GRIK2: variants seen among roughly 807,000 people sequenced by gnomAD.
GRIK2 encodes glutamate ionotropic receptor kainate type subunit 2.
Under a neutral mutation model 100.3 loss-of-function variants are expected in GRIK2, and 32 were observed. The observed-to-expected ratio is 0.32, with a 90% CI of 0.24 to 0.43. GRIK2 has a LOEUF of 0.43. Among genes scored for constraint, GRIK2 ranks in the 20% least tolerant of loss-of-function variants. GRIK2 has a pLI of 1.00. For missense variants in GRIK2, 843 were observed against 1,114.9 expected, an observed-to-expected ratio of 0.76 and a Z score of 3.47; for synonymous variants, 417 against 389.4, an observed-to-expected ratio of 1.07 and a Z score of -0.83.
intron 11 of GRIK2, among the ~76,000 whole-genome samples, chr6:101,864,138 C>T (rs1185889618): frequency 2.3e-5 from 3 of 129,892 alleles, no homozygotes; most frequent in Admixed American, 8.1e-5. Flanking sequence ...AGCGAGACTC[C>T]GTCTCAAAAA....
rs200731910 is a variant in GRIK2 at position 102,025,649 on chromosome 6, AATC to A, written c.2086-9687_2086-9685del. Among the ~76,000 whole-genome samples, 1,296 of 151,306 alleles carry A rather than the reference AATC, an allele frequency of 8.6e-3. 21 individuals carry two copies. Among genetic ancestry groups the A allele is most frequent in the African/African-American group, 0.03 (1,254 of 41,418 alleles). On this transcript the variant is annotated intron_variant, in intron 14 of 16. Transcript: ENST00000369134. ...TGTGCTGTAAATTAATGATTAATAT[AATC>A]ATCAACTACTTTATACATACTCATA...
chr6:102,050,741 A>AT (rs2114488797), intron 15 of GRIK2, among the ~76,000 whole-genome samples: 1 of 151,124 alleles, frequency 6.6e-6, no homozygotes, highest in South Asian at 2.1e-4. Context: ...ACACAGAGGA[A>AT]TGAAAAAGTA....
intron 2 of GRIK2, among the ~76,000 whole-genome samples, chr6:101,464,758 G>C (rs992136080): frequency 6.6e-6 from 1 of 151,436 alleles, no homozygotes; most frequent in Non-Finnish European, 1.5e-5. Flanking sequence ...CTGACCTCGT[G>C]ATCTGCCCGC....
rs151302416 is a variant in GRIK2 at position 101,453,565 on chromosome 6, A to T, written c.115+54173A>T. On this transcript the variant is annotated intron_variant, in intron 2 of 16. Transcript: ENST00000369134. ...AATGTGCTTGAACTGTCAGAAATAT[A>T]CTTTAAATTGATAGCGCTAACCTAG... Among the ~76,000 whole-genome samples the T allele has an allele frequency of 3.5e-3, 534 of 152,152 alleles. 1 individual carries two copies. Among genetic ancestry groups the T allele is most frequent in the Middle Eastern group, 0.014 (4 of 294 alleles).
chr6:101,635,927 G>A (rs1260779883), intron 4 of GRIK2, among the ~76,000 whole-genome samples: 2 of 152,168 alleles, frequency 1.3e-5, no homozygotes, highest in African/African-American at 4.8e-5. Context: ...TTCAACCATT[G>A]TGGAAGACAG....
chr6:101,802,801 T>C (rs892530336), intron 9 of GRIK2, among the ~76,000 whole-genome samples: 4 of 151,884 alleles, frequency 2.6e-5, no homozygotes, highest in South Asian at 2.1e-4. Flanking sequence ...ACTTTCCAAC[T>C]TGGAGCAGGC....
At chr6:101,829,736 C>G (rs1027195259) in intron 10 of GRIK2, among the ~76,000 whole-genome samples, 1 of 151,742 alleles carries the variant, frequency 6.6e-6, no homozygotes, top group Admixed American at 6.6e-5. Context: ...ACAACAACAA[C>G]AGCAACAACA....
intron 7 of GRIK2, among the ~76,000 whole-genome samples, chr6:101,765,041 G>A (rs1287088020): frequency 1.3e-5 from 2 of 152,002 alleles, no homozygotes; most frequent in Admixed American, 6.6e-5. Context: ...ACACTGTCTT[G>A]TTGTCTCTCA....
At chr6:101,801,336 GT>G (rs1459705255) in intron 8 of GRIK2, among the ~76,000 whole-genome samples, 4 of 151,910 alleles carry the variant, frequency 2.6e-5, no homozygotes, top group African/African-American at 4.8e-5. Flanking sequence ...GTGAACACAT[GT>G]TTAACTTTAG....
intron 7 of GRIK2, among the ~76,000 whole-genome samples, chr6:101,734,780 A>G (rs1775519990): frequency 6.6e-6 from 1 of 152,160 alleles, no homozygotes; most frequent in African/African-American, 2.4e-5. Context: ...AGGTAATCTG[A>G]TTACTATTAT....
chr6:101,853,906 C>T (rs964951597), intron 10 of GRIK2, among the ~76,000 whole-genome samples: 4 of 152,064 alleles, frequency 2.6e-5, no homozygotes, highest in South Asian at 2.1e-4. Context: ...AAAAGATTAA[C>T]GGTTGCCAGG....
intron 4 of GRIK2, among the ~76,000 whole-genome samples, chr6:101,660,050 A>T: frequency 6.6e-6 from 1 of 152,096 alleles, no homozygotes; most frequent in African/African-American, 2.4e-5. Flanking sequence ...CTCCTTGATA[A>T]TATCCTGAAG....
At chr6:101,840,613 G>T (rs1039202332) in intron 10 of GRIK2, among the ~76,000 whole-genome samples, 1 of 152,022 alleles carries the variant, frequency 6.6e-6, no homozygotes, top group Non-Finnish European at 1.5e-5. Flanking sequence ...TGAGTCCTTG[G>T]TTTATCCATT....
chr6:101,494,648 G>A (rs1346923795), intron 2 of GRIK2, among the ~76,000 whole-genome samples: 2 of 151,624 alleles, frequency 1.3e-5, no homozygotes, highest in Middle Eastern at 3.2e-3. Context: ...TGTAATACCA[G>A]GGCCAGGCAT....
chr6:101,910,839 C>CCACACACA (rs142489212), intron 12 of GRIK2, among the ~76,000 whole-genome samples: 1,464 of 143,322 alleles, frequency 0.01, 15 homozygotes, highest in South Asian at 0.014. Context: ...CCAACATACA[C>CCACACACA]CACACACACA....
chr6:101,703,973 T>C (rs1773079848), intron 7 of GRIK2, among the ~76,000 whole-genome samples: 1 of 151,700 alleles, frequency 6.6e-6, no homozygotes, highest in East Asian at 1.9e-4. Flanking sequence ...AGAAATGGAA[T>C]TGAATTGGAA....
intron 2 of GRIK2, among the ~76,000 whole-genome samples, chr6:101,497,267 A>G (rs1050637332): frequency 1.3e-5 from 2 of 152,074 alleles, no homozygotes; most frequent in Admixed American, 6.6e-5. Context: ...TGCTTCTTCA[A>G]TTTGAACCTC....
rs1771418940 is a variant in GRIK2, at chr6:102,055,523, T to A, written c.2505T>A (p.Val835=). The change falls in exon 16 of 17, where the codon GTT becomes GTA. Residue 835 remains valine (V), a synonymous_variant. Coordinates refer to ENST00000369134, the MANE Select transcript of GRIK2 (RefSeq NM_021956.5). ...TGGCAGCCGGCTTGGTGCTTTCAGTTTTTGTGGCAGTGGGAGAATTTTTAT... is the reference window on the plus strand; with the variant it reads ...TGGCAGCCGGCTTGGTGCTTTCAGTATTTGTGGCAGTGGGAGAATTTTTAT... ...IVLAAGLVLS[V]FVAVGEFLYK... is the part of the protein sequence containing the mutation. 7 of 1,613,184 alleles carry A rather than the reference T, an allele frequency of 4.3e-6. No homozygotes were observed. The highest frequency in any genetic ancestry group is 5.1e-6 in the Non-Finnish European group (6 of 1,179,252).
At chr6:101,908,779 T>A (rs2065315442) in intron 12 of GRIK2, among the ~76,000 whole-genome samples, 1 of 108,276 alleles carries the variant, frequency 9.2e-6, no homozygotes, top group Non-Finnish European at 1.9e-5. Flanking sequence ...AGGATAAAAA[T>A]GGAGATATAA....
Sources: gnomAD v4.1 joint callset for allele counts (sites outside exome capture counted in the v4.1 genomes callset) on GRCh38, gnomAD v4.1.1 for gene constraint, MANE v1.5 for transcripts, NCBI Gene and HGNC (gene_info 2026-07-23, HGNC 2026-07-21) for gene names.